Variants in CRACD observed in about 807,000 individuals in gnomAD.
CRACD encodes capping protein inhibiting regulator of actin dynamics.
A neutral mutation model predicts 106.8 loss-of-function variants in CRACD; 56 were observed. That is an observed-to-expected ratio of 0.52 (90% confidence interval 0.42 to 0.66). The LOEUF (loss-of-function observed/expected upper bound fraction) is 0.66. Ranked by LOEUF, CRACD falls within the 30% of genes least tolerant of loss-of-function variation. CRACD has a pLI of 0.00. For missense variants in CRACD, 1,730 were observed against 1,623.2 expected (o/e 1.07, Z -1.13); for synonymous variants, 754 against 670.8 (o/e 1.12, Z -1.92).
chr4:56,134,223 G>A (rs1397815271), intron 1 of CRACD, among the ~76,000 whole-genome samples: 3 of 151,648 alleles, frequency 2.0e-5, no homozygotes, highest in Non-Finnish European at 4.4e-5. Context: ...AAAAGAAATC[G>A]ACTCAGAAGG....
chr4:56,315,598 C>T lies in CRACD; in HGVS notation c.2096C>T (p.Pro699Leu), dbSNP rs1293239663. The change falls in exon 8 of 11, where the codon CCC becomes CTC. Residue 699 changes from proline to leucine, a missense_variant. Pro to Leu is a moderately conservative substitution (Grantham distance 98). This residue lies in a region of CRACD where 1,620 missense variants were observed against 1,481.6 expected (regional missense o/e 1.09). Coordinates refer to ENST00000682029, the MANE Select transcript of CRACD (RefSeq NM_001393381.1). The surrounding 1 kb of genome is among the most constrained non-coding windows in gnomAD (Gnocchi z 4.1). ...DQLRPGDEST[P>L]RGRCDSRGNQ... ...TTGAGGCCCGGTGATGAGTCCACTC[C>T]CAGGGGCCGGTGTGATTCCCGCGGG... is the stretch of plus-strand genomic sequence containing the variant. 7 of 1,614,102 alleles carry T rather than the reference C, an allele frequency of 4.3e-6. No individual in the cohort carries two copies. The highest frequency in any genetic ancestry group is 5.1e-6 in the Non-Finnish European group (6 of 1,180,018).
In CRACD at chr4:56,315,702, G is replaced by A. The variant is rs1404383034; in HGVS notation, c.2200G>A (p.Glu734Lys). 1.2e-6 allele frequency: 2 copies of A among 1,614,080 alleles called. No homozygotes were observed. Among genetic ancestry groups the A allele is most frequent in the Admixed American group, 1.7e-5 (1 of 60,016 alleles). ...GCAGAAATTTTCCGATGGTGGCACG[G>A]AGACCTCCAAACAGAGCACGGAAGC... The part of the protein sequence containing the change: ...AWQKFSDGGT[E>K]TSKQSTEAES... Residue 734 changes from glutamate (E) to lysine (K), a missense_variant, in exon 8 of 11, where the codon GAG (glutamate) becomes AAG (lysine). Around this residue, in one of 5 missense-constraint regions of CRACD, gnomAD observed 1,620 missense variants for 1,481.6 expected, o/e 1.09. Transcript: ENST00000682029. The surrounding 1 kb of genome is among the most constrained non-coding windows in gnomAD (Gnocchi z 4.1).
At chr4:56,228,314 A>G (rs1466363207) in intron 2 of CRACD, among the ~76,000 whole-genome samples, 1 of 152,178 alleles carries the variant, frequency 6.6e-6, no homozygotes, top group Non-Finnish European at 1.5e-5. Flanking sequence ...TCTAACAGAA[A>G]CAAGACTTCA....
At chr4:56,063,984 A>G (rs1732373847) in intron 1 of CRACD, among the ~76,000 whole-genome samples, 1 of 152,332 alleles carries the variant, frequency 6.6e-6, no homozygotes, top group Non-Finnish European at 1.5e-5. Flanking sequence ...CAGCATTTCA[A>G]TTTCTCTATA....
intron 1 of CRACD, among the ~76,000 whole-genome samples, chr4:56,088,229 T>C (rs977366056): frequency 6.6e-6 from 1 of 151,660 alleles, no homozygotes; most frequent in African/African-American, 2.4e-5. Context: ...TGGGGTTTGG[T>C]GTACAGATAA....
chr4:56,109,429 G>A (rs927664217), intron 1 of CRACD, among the ~76,000 whole-genome samples: 4 of 152,138 alleles, frequency 2.6e-5, no homozygotes, highest in African/African-American at 9.7e-5. Context: ...CACTGTCACA[G>A]GTTGGAGGAG....
intron 3 of CRACD, among the ~76,000 whole-genome samples, chr4:56,282,834 T>C (rs1743106706): frequency 6.6e-6 from 1 of 152,224 alleles, no homozygotes; most frequent in African/African-American, 2.4e-5. Flanking sequence ...CCTACCAAAC[T>C]GCCTCTTGCT....
chr4:56,250,369 A>C (rs1740980061), intron 2 of CRACD, among the ~76,000 whole-genome samples: 1 of 152,194 alleles, frequency 6.6e-6, no homozygotes. Flanking sequence ...ACATTCTACT[A>C]GGTGCTTTAT....
chr4:56,071,601 C>A (rs1035546436), intron 1 of CRACD, among the ~76,000 whole-genome samples: 2 of 151,866 alleles, frequency 1.3e-5, no homozygotes, highest in Admixed American at 1.3e-4. Context: ...CCTTTGCTTC[C>A]CAGGTTCAAG....
intron 4 of CRACD, chr4:56,301,247 G>C: frequency 7.8e-7 from 1 of 1,286,994 alleles, no homozygotes; most frequent in African/African-American, 1.5e-5. Context: ...GTATGTTCCT[G>C]GTAAGTCGTA....
chr4:56,175,605 G>A (rs530348417), intron 1 of CRACD, among the ~76,000 whole-genome samples: 17 of 152,230 alleles, frequency 1.1e-4, no homozygotes, highest in Admixed American at 3.3e-4. Context: ...CACACACAGG[G>A]TATCCTCTTT....
At chr4:56,313,117 G>C (rs1314578835) in intron 6 of CRACD, 80 bp from the exon 7 acceptor site, 1 of 1,303,270 alleles carries the variant, frequency 7.7e-7, no homozygotes, top group Non-Finnish European at 1.1e-6. Flanking sequence ...GCGCACACTG[G>C]AACGAGTGCC....
intron 4 of CRACD, among the ~76,000 whole-genome samples, 175 bp downstream of exon 4, chr4:56,298,524 C>A (rs1478578734): frequency 6.6e-6 from 1 of 152,192 alleles, no homozygotes; most frequent in Non-Finnish European, 1.5e-5. Flanking sequence ...CTCCTGCCTA[C>A]CTGCAAGAGC....
At chr4:56,160,324 A>G (rs1275300571) in intron 1 of CRACD, among the ~76,000 whole-genome samples, 5 of 151,854 alleles carry the variant, frequency 3.3e-5, no homozygotes, top group African/African-American at 7.3e-5. Context: ...CTTGAATTAC[A>G]GGCATGTGCC....
rs138778684 is a variant in CRACD, at chr4:56,225,152, G to C, written c.-189+45722G>C. 4.9e-4 allele frequency among the ~76,000 whole-genome samples: 75 copies of C among 152,216 alleles called. No homozygotes were observed. The East Asian group carries it at 0.012, about 24-fold the overall frequency. On this transcript the variant is annotated intron_variant, in intron 2 of 10. Coordinates refer to ENST00000682029, the MANE Select transcript of CRACD (RefSeq NM_001393381.1). The stretch of plus-strand genomic sequence containing the variant: ...TGCCCAGGCTGGAGTGCAGTGGCAC[G>C]ATCTTGGCTTACTGCAAAAACCTCT...
chr4:56,148,865 G>T (rs1735486130), intron 1 of CRACD, among the ~76,000 whole-genome samples: 1 of 151,644 alleles, frequency 6.6e-6, no homozygotes, highest in Non-Finnish European at 1.5e-5. Context: ...GCCCAGGCTG[G>T]AGTGCAGTGG....
intron 1 of CRACD, among the ~76,000 whole-genome samples, chr4:56,052,411 G>T (rs1489725434): frequency 6.6e-6 from 1 of 152,202 alleles, no homozygotes; most frequent in African/African-American, 2.4e-5. Context: ...GCTTTGAAAA[G>T]CACTAATGCT....
chr4:56,099,186 A>T (rs1022704869), intron 1 of CRACD, among the ~76,000 whole-genome samples: 1 of 152,148 alleles, frequency 6.6e-6, no homozygotes, highest in African/African-American at 2.4e-5. Context: ...TATTGTAGCT[A>T]CCTTCAGAGT....
intron 4 of CRACD, among the ~76,000 whole-genome samples, chr4:56,302,402 G>T (rs1744419954): frequency 6.6e-6 from 1 of 152,152 alleles, no homozygotes; most frequent in African/African-American, 2.4e-5. Context: ...TAATTGTTAG[G>T]ATTATACCAC....
Sources: gnomAD v4.1 joint callset for allele counts (sites outside exome capture counted in the v4.1 genomes callset) on GRCh38, gnomAD v4.1.1 for gene constraint, gnomAD v4.1.1 regional missense constraint, Gnocchi (gnomAD v3.1) non-coding constraint, MANE v1.5 for transcripts, NCBI Gene and HGNC (gene_info 2026-07-23, HGNC 2026-07-21) for gene names.